HMGA2: variants seen among roughly 807,000 people sequenced by gnomAD.
HMGA2 encodes high mobility group protein HMGI-C.
HMGA2 carries 8 observed loss-of-function variants against 19.1 expected under a neutral mutation model. That is an observed-to-expected ratio of 0.42 (90% CI 0.25 to 0.76). HMGA2 has a LOEUF of 0.76. Ranked by LOEUF, HMGA2 falls within the 30% of genes least tolerant of loss-of-function variation. HMGA2 has a pLI of 0.28. For synonymous variants in HMGA2, 60 were observed against 48.8 expected (o/e 1.23, Z -0.96); for missense variants, 109 against 136.3 (o/e 0.80, Z 1.00).
intron 3 of HMGA2, among the ~76,000 whole-genome samples, chr12:65,908,206 T>G (rs2121200461): frequency 6.6e-6 from 1 of 152,316 alleles, no homozygotes; most frequent in South Asian, 2.1e-4. Flanking sequence ...TACTTGTACC[T>G]GACTGTCAAA....
chr12:65,914,645 A>T lies in HMGA2; in HGVS notation c.250-36738A>T, dbSNP rs142467702. On this transcript the variant is annotated intron_variant, in intron 3 of 4. Transcript: ENST00000403681. ...GTACCCTAAAACTTAAAGTATAATTAAAAAAAAATGTTTTGGTTGTTTGTT... is the reference window on the plus strand; with the variant it reads ...GTACCCTAAAACTTAAAGTATAATTTAAAAAAAATGTTTTGGTTGTTTGTT... 3.2e-3 allele frequency: 830 copies of T among 263,378 alleles called. 7 individuals are homozygous for T. Among genetic ancestry groups the T allele is most frequent in the African/African-American group, 0.015 (651 of 43,302 alleles). The allele number at this position is 263,378 out of a possible 1,614,324, so 16.3% of individuals were successfully genotyped here. A position where few individuals can be genotyped will look rare whatever the true frequency, so the allele number is the denominator to read the frequency against.
At chr12:65,917,643 G>A (rs1875156727) in intron 3 of HMGA2, among the ~76,000 whole-genome samples, 1 of 151,986 alleles carries the variant, frequency 6.6e-6, no homozygotes, top group Non-Finnish European at 1.5e-5. Context: ...AAGGAATTGA[G>A]AAAAAGAAGG....
At chr12:65,927,831 C>CTGTG (rs143707177) in intron 3 of HMGA2, among the ~76,000 whole-genome samples, 7,164 of 145,026 alleles carry the variant, frequency 0.049, 432 homozygotes, top group African/African-American at 0.14. Context: ...CTCTTTGTAT[C>CTGTG]TGTGTGTGTG....
chr12:65,922,841 A>C (rs954154466), intron 3 of HMGA2, among the ~76,000 whole-genome samples: 2 of 152,136 alleles, frequency 1.3e-5, no homozygotes, highest in Non-Finnish European at 2.9e-5. Context: ...TGCTATTCTC[A>C]TGATAGTGAA....
At chr12:65,842,738 G>C (rs1871054871) in intron 3 of HMGA2, 1 of 1,438,492 alleles carries the variant, frequency 7.0e-7, no homozygotes. Flanking sequence ...AACTTCTATA[G>C]AATTCCATTA....
intron 2 of HMGA2, among the ~76,000 whole-genome samples, chr12:65,832,776 A>G (rs1022989882): frequency 2.0e-5 from 3 of 152,006 alleles, no homozygotes; most frequent in Admixed American, 1.3e-4. Flanking sequence ...GGCATATTCT[A>G]TTTAAATTAG....
chr12:65,923,991 C>T (rs1875415955), intron 3 of HMGA2, among the ~76,000 whole-genome samples: 1 of 152,006 alleles, frequency 6.6e-6, no homozygotes, highest in Non-Finnish European at 1.5e-5. Flanking sequence ...GCCTGGGCAA[C>T]AAGAGCAAAA....
intron 3 of HMGA2, among the ~76,000 whole-genome samples, chr12:65,869,660 G>C (rs369906741): frequency 6.6e-6 from 1 of 152,134 alleles, no homozygotes; most frequent in East Asian, 1.9e-4. Flanking sequence ...CACAATGTAG[G>C]TAATATGAAT....
intron 3 of HMGA2, chr12:65,860,045 CTG>C: frequency 2.2e-6 from 1 of 453,078 alleles, no homozygotes; most frequent in South Asian, 1.6e-5. Flanking sequence ...TGAGCCATGA[CTG>C]TGCTACTGCA....
At chr12:65,921,455 G>A (rs978338298) in intron 3 of HMGA2, among the ~76,000 whole-genome samples, 4 of 152,074 alleles carry the variant, frequency 2.6e-5, no homozygotes, top group African/African-American at 9.7e-5. Flanking sequence ...CACCATGTTA[G>A]CCACGATGGT....
chr12:65,892,281 T>C (rs1248644894), intron 3 of HMGA2, among the ~76,000 whole-genome samples: 4 of 152,228 alleles, frequency 2.6e-5, no homozygotes, highest in Non-Finnish European at 5.9e-5. Context: ...ACACTCATTT[T>C]CAAACATCAC....
intron 3 of HMGA2, among the ~76,000 whole-genome samples, chr12:65,933,413 T>A (rs534984322): frequency 6.3e-4 from 96 of 152,338 alleles, no homozygotes; most frequent in Non-Finnish European, 1.2e-3. Flanking sequence ...CTCCTTAATA[T>A]TTTGTCCTTT....
intron 3 of HMGA2, among the ~76,000 whole-genome samples, chr12:65,900,773 C>A (rs1251532124): frequency 6.6e-6 from 1 of 152,134 alleles, no homozygotes; most frequent in Non-Finnish European, 1.5e-5. Context: ...CCCAAACAGG[C>A]CATTGTTTTG....
At chr12:65,845,796 T>C (rs1319473973) in intron 3 of HMGA2, among the ~76,000 whole-genome samples, 1 of 152,232 alleles carries the variant, frequency 6.6e-6, no homozygotes, top group Non-Finnish European at 1.5e-5. Context: ...GAACATTCTG[T>C]CCATAACTAA....
At chr12:65,852,428 G>A (rs778382567) in intron 3 of HMGA2, among the ~76,000 whole-genome samples, 21 of 152,098 alleles carry the variant, frequency 1.4e-4, no homozygotes, top group Non-Finnish European at 2.8e-4. Context: ...TCTTGAACTC[G>A]GGAGGTGGAG....
In HMGA2 at chr12:65,893,160, A is replaced by T. The variant is rs17101857; in HGVS notation, c.249+54591A>T. On this transcript the variant is annotated intron_variant, in intron 3 of 4. Coordinates refer to ENST00000403681, the MANE Select transcript of HMGA2 (RefSeq NM_003483.6). ...GAAGGGGAGACAAGGTCCTGCATGAAGGAGGGTGAAATTACAGCTCAACTC... is the reference window on the plus strand; with the variant it reads ...GAAGGGGAGACAAGGTCCTGCATGATGGAGGGTGAAATTACAGCTCAACTC... 7.1e-3 allele frequency among the ~76,000 whole-genome samples: 1,085 copies of T among 152,266 alleles called. 12 individuals carry two copies. The highest frequency in any genetic ancestry group is 0.025 in the African/African-American group (1,028 of 41,570).
chr12:65,907,042 G>T (rs1377812133), intron 3 of HMGA2, among the ~76,000 whole-genome samples: 1 of 152,120 alleles, frequency 6.6e-6, no homozygotes, highest in Non-Finnish European at 1.5e-5. Flanking sequence ...CTCCAAAGGT[G>T]TATGGGCATT....
intron 3 of HMGA2, among the ~76,000 whole-genome samples, chr12:65,931,398 C>T (rs1813583551): frequency 6.6e-6 from 1 of 152,122 alleles, no homozygotes; most frequent in Non-Finnish European, 1.5e-5. Context: ...TCTTTACCCC[C>T]TCCCGAAACC....
At chr12:65,952,448 CA>C (rs1565741663) in intron 4 of HMGA2, 1 of 1,533,322 alleles carries the variant, frequency 6.5e-7, no homozygotes, top group South Asian at 1.2e-5. Flanking sequence ...TTGAAACTTC[CA>C]AACACATGAA....
Sources: allele counts gnomAD v4.1 joint callset (sites outside exome capture counted in the v4.1 genomes callset), GRCh38; gene constraint gnomAD v4.1.1; transcripts MANE v1.5; gene names NCBI Gene and HGNC (gene_info 2026-07-23, HGNC 2026-07-21).